Variants in YAP1 observed in about 807,000 individuals in gnomAD.
YAP1 encodes the protein transcriptional coactivator YAP1.
In YAP1, 5 loss-of-function variants were observed where a neutral mutation model predicts 56.9. That is an observed-to-expected ratio of 0.09 (90% CI 0.05 to 0.18). YAP1 has a LOEUF of 0.18. Among genes scored for constraint, YAP1 ranks in the 10% least tolerant of loss-of-function variants. The probability of loss-of-function intolerance (pLI) is 1.00; values close to 1 mark genes in which losing one functional copy is unlikely to be tolerated. For synonymous variants in YAP1, 265 were observed against 248.1 expected (o/e 1.07, Z -0.64); for missense variants, 539 against 651.8 (o/e 0.83, Z 1.88).
At position 102,232,938 on chromosome 11, in the gene YAP1, A is replaced by G. The variant is rs1950478989; in HGVS notation, c.*2998A>G. The stretch of plus-strand genomic sequence containing the variant: ...TACAAATAATGTTGCTGTGTTAAGT[A>G]TTCATATTAAATACATGCCTTCTAT... On this transcript the variant is annotated 3_prime_UTR_variant, in exon 9 of 9. Coordinates refer to ENST00000282441, the MANE Select transcript of YAP1 (RefSeq NM_001130145.3). The G allele has an allele frequency of 6.6e-6, 1 of 152,294 alleles. No individual in the cohort carries two copies. The highest frequency in any genetic ancestry group is 2.1e-4 in the South Asian group (1 of 4,836). 9.4% of individuals were successfully genotyped at this position (152,294 alleles called of 1,614,324 possible). A position where few individuals can be genotyped will look rare whatever the true frequency, so the allele number is the denominator to read the frequency against.
At chr11:102,229,577 T>TA (rs1189211725) in intron 8 of YAP1, 125 bp from the exon 9 acceptor site, 1 of 769,460 alleles carries the variant, frequency 1.3e-6, no homozygotes, top group African/African-American at 1.7e-5. Flanking sequence ...ATATAAATTC[T>TA]AGGTATCAGT....
intron 2 of YAP1, among the ~76,000 whole-genome samples, chr11:102,114,833 AAGT>A (rs1943177490): frequency 6.6e-6 from 1 of 152,218 alleles, no homozygotes; most frequent in Admixed American, 6.5e-5. Flanking sequence ...ACTACAAAAT[AAGT>A]AGGGCTTTTG....
At chr11:102,127,734 A>G (rs1326327936) in intron 2 of YAP1, among the ~76,000 whole-genome samples, 2 of 152,172 alleles carry the variant, frequency 1.3e-5, no homozygotes, top group Non-Finnish European at 2.9e-5. Context: ...GACACCTTGC[A>G]TCGTGCTCCT....
intron 6 of YAP1, among the ~76,000 whole-genome samples, chr11:102,219,477 C>T (rs544911133): frequency 3.3e-5 from 5 of 152,006 alleles, no homozygotes; most frequent in Non-Finnish European, 7.4e-5. Flanking sequence ...TTAAATAATA[C>T]GGAAGAAAGG....
intron 4 of YAP1, 39 bp from the exon 5 acceptor site, chr11:102,205,854 A>C (rs1949092514): frequency 2.1e-6 from 3 of 1,453,710 alleles, no homozygotes; most frequent in Non-Finnish European, 2.7e-6. Context: ...TTCCTTCACT[A>C]GTTTTTTAGG....
chr11:102,127,291 G>A (rs1944090349), intron 2 of YAP1, among the ~76,000 whole-genome samples: 1 of 152,202 alleles, frequency 6.6e-6, no homozygotes, highest in South Asian at 2.1e-4. Context: ...AGGCCTGGAG[G>A]CCCAGGAGGA....
intron 2 of YAP1, among the ~76,000 whole-genome samples, chr11:102,161,146 C>T (rs918592071): frequency 7.4e-5 from 11 of 148,106 alleles, no homozygotes; most frequent in Non-Finnish European, 1.6e-4. Context: ...CTGCAAGTTC[C>T]GCCTCCCAGG....
intron 4 of YAP1, among the ~76,000 whole-genome samples, chr11:102,191,925 C>T (rs1472279504): frequency 2.0e-5 from 3 of 152,178 alleles, no homozygotes; most frequent in Admixed American, 6.5e-5. Context: ...CTACCTGCCT[C>T]TACCTCCCAA....
At chr11:102,115,542 A>G (rs1455389606) in intron 2 of YAP1, among the ~76,000 whole-genome samples, 1 of 139,130 alleles carries the variant, frequency 7.2e-6, no homozygotes. Context: ...TTGATCATGA[A>G]AAGTTCGTAC....
intron 3 of YAP1, among the ~76,000 whole-genome samples, chr11:102,181,856 C>G (rs998503542): frequency 2.0e-5 from 3 of 152,188 alleles, no homozygotes; most frequent in Admixed American, 6.5e-5. Context: ...GAGTCTCACC[C>G]TGTTGCCCAG....
intron 1 of YAP1, 75 bp from the exon 2 acceptor site, chr11:102,114,069 C>G: frequency 6.8e-7 from 1 of 1,470,896 alleles, no homozygotes; most frequent in South Asian, 1.5e-5. Context: ...TGCAATTAAG[C>G]GCTGACTGGG....
intron 2 of YAP1, among the ~76,000 whole-genome samples, chr11:102,143,734 C>T (rs1255915313): frequency 6.6e-6 from 1 of 152,152 alleles, no homozygotes; most frequent in Non-Finnish European, 1.5e-5. Context: ...GTGTTTTAAT[C>T]GAACAGGTTA....
intron 1 of YAP1, chr11:102,112,558 A>T: frequency 2.0e-6 from 2 of 984,940 alleles, no homozygotes; most frequent in Non-Finnish European, 2.4e-6. Context: ...GAGTGGAAAG[A>T]AGAGTTACCG....
chr11:102,128,561 A>G (rs1197131724), intron 2 of YAP1, among the ~76,000 whole-genome samples: 1 of 152,234 alleles, frequency 6.6e-6, no homozygotes, highest in Non-Finnish European at 1.5e-5. Flanking sequence ...AAAATGAACT[A>G]ATACAATCCT....
chr11:102,122,031 C>T (rs763583616), intron 2 of YAP1, among the ~76,000 whole-genome samples: 5 of 152,124 alleles, frequency 3.3e-5, no homozygotes, highest in Non-Finnish European at 7.4e-5. Context: ...CTCCTGGACT[C>T]AGGTGAACCT....
At chr11:102,126,920 T>C (rs1040549879) in intron 2 of YAP1, among the ~76,000 whole-genome samples, 3 of 152,200 alleles carry the variant, frequency 2.0e-5, no homozygotes, top group Non-Finnish European at 4.4e-5. Context: ...GTGACTCTTG[T>C]TACGTTTTAG....
In YAP1 at chr11:102,230,002, A is replaced by G. The variant is rs974373797; in HGVS notation, c.*62A>G. On this transcript the variant is annotated 3_prime_UTR_variant, in exon 9 of 9. Transcript: ENST00000282441. The stretch of plus-strand genomic sequence containing the variant: ...ATCTAAGGAGACACATGCACCGGAA[A>G]TTTCCATAAGCCAGTTGCAGTTTTC... The G allele has an allele frequency of 9.0e-6, 13 of 1,446,456 alleles. No homozygotes were observed. Among genetic ancestry groups the G allele is most frequent in the Non-Finnish European group, 1.2e-5 (13 of 1,041,138 alleles). The allele number at this position is 1,446,456 out of a possible 1,614,324, so 89.6% of individuals were successfully genotyped here. A position where few individuals can be genotyped will look rare whatever the true frequency, so the allele number is the denominator to read the frequency against.
intron 4 of YAP1, among the ~76,000 whole-genome samples, chr11:102,186,847 T>TGTGTGTGTGTGTGTGTGTGTG (rs1555013227): frequency 1.7e-4 from 26 of 151,306 alleles, no homozygotes; most frequent in East Asian, 3.9e-4. Flanking sequence ...TGTGTGTGTG[T>TGTGTGTGTGTGTGTGTGTGTG]TTTAAACTGT....
chr11:102,165,032 G>A (rs1946519411), intron 3 of YAP1, among the ~76,000 whole-genome samples: 1 of 152,038 alleles, frequency 6.6e-6, no homozygotes. Context: ...CGGTTTTAGT[G>A]GGTTTGAAAA....
Sources: allele counts gnomAD v4.1 joint callset (sites outside exome capture counted in the v4.1 genomes callset), GRCh38; gene constraint gnomAD v4.1.1; transcripts MANE v1.5; gene names NCBI Gene and HGNC (gene_info 2026-07-23, HGNC 2026-07-21).